TSHZ2: variants seen among roughly 807,000 people sequenced by gnomAD.
TSHZ2 encodes teashirt zinc finger homeobox 2.
In TSHZ2, 21 loss-of-function variants were observed where a neutral mutation model predicts 74.4. The ratio of observed to expected loss-of-function variants is 0.28; its 90% CI spans 0.20 to 0.41. The LOEUF (loss-of-function observed/expected upper bound fraction) is 0.41, where lower values mean the gene tolerates loss of function less well. Among genes scored for constraint, TSHZ2 ranks in the 10% least tolerant of loss-of-function variants. The pLI is 1.00. For missense variants in TSHZ2, 1,244 were observed against 1,293.5 expected (o/e 0.96, Z 0.59); for synonymous variants, 540 against 515.3 (o/e 1.05, Z -0.65).
chr20:53,069,709 A>ACG (rs1985111886), intron 1 of TSHZ2, among the ~76,000 whole-genome samples: 1 of 113,900 alleles, frequency 8.8e-6, no homozygotes, highest in Non-Finnish European at 1.9e-5. Flanking sequence ...ACACACACAC[A>ACG]CGCTCAAGTT....
chr20:53,344,897 C>G (rs1054189847), intron 2 of TSHZ2, among the ~76,000 whole-genome samples: 1 of 152,098 alleles, frequency 6.6e-6, no homozygotes, highest in South Asian at 2.1e-4. Flanking sequence ...CTCCTATGAG[C>G]CAAGAAGTAA....
At chr20:53,392,274 A>ATC (rs1347977178) in intron 2 of TSHZ2, among the ~76,000 whole-genome samples, 1 of 152,122 alleles carries the variant, frequency 6.6e-6, no homozygotes, top group Non-Finnish European at 1.5e-5. Context: ...GTGAAACCCC[A>ATC]TCTCTACTAA....
At chr20:53,417,241 GACACACACAC>G (rs56822266) in intron 2 of TSHZ2, among the ~76,000 whole-genome samples, 26 of 138,124 alleles carry the variant, frequency 1.9e-4, no homozygotes, top group Middle Eastern at 3.6e-3. Context: ...GACACACACA[GACACACACAC>G]ACACACACAC....
chr20:53,343,877 A>G (rs536357987), intron 2 of TSHZ2, among the ~76,000 whole-genome samples: 5 of 152,354 alleles, frequency 3.3e-5, no homozygotes, highest in South Asian at 2.1e-4. Context: ...AGAGCCAGGC[A>G]TGAATAGCCT....
chr20:53,150,155 G>C (rs77662336), intron 1 of TSHZ2, among the ~76,000 whole-genome samples: 2,825 of 152,224 alleles, frequency 0.019, 97 homozygotes, highest in African/African-American at 0.065. Context: ...AGCACAGAGA[G>C]GTTAAGTAAC....
intron 2 of TSHZ2, among the ~76,000 whole-genome samples, chr20:53,462,977 GC>G (rs761020726): frequency 6.6e-6 from 1 of 152,116 alleles, no homozygotes; most frequent in African/African-American, 2.4e-5. Flanking sequence ...TGTTGTGGGG[GC>G]CTCTCTGTTC....
At chr20:53,194,456 G>A (rs1469267760) in intron 1 of TSHZ2, among the ~76,000 whole-genome samples, 1 of 152,202 alleles carries the variant, frequency 6.6e-6, no homozygotes, top group Non-Finnish European at 1.5e-5. Flanking sequence ...ATCTTTGTCA[G>A]TGATTCAAAG....
Position 53,102,453 on chromosome 20 carries a change from A to G in TSHZ2, c.40+129120A>G, listed in dbSNP as rs77859165. Among the ~76,000 whole-genome samples, 74 of 146,212 alleles carry G rather than the reference A, an allele frequency of 5.1e-4. 1 individual carries two copies. The highest frequency in any genetic ancestry group is 1.8e-3 in the African/African-American group (73 of 40,076). On this transcript the variant is annotated intron_variant, in intron 1 of 2. Coordinates refer to ENST00000371497, the MANE Select transcript of TSHZ2 (RefSeq NM_173485.6). ...AAAGAAAAGGAGAGGAGGTGGGGGAAGAGAGGAGAGGGGAGGGAAGAAGAG... is the reference window on the plus strand; with the variant it reads ...AAAGAAAAGGAGAGGAGGTGGGGGAGGAGAGGAGAGGGGAGGGAAGAAGAG...
intron 2 of TSHZ2, among the ~76,000 whole-genome samples, chr20:53,307,310 C>T (rs1407797186): frequency 6.6e-6 from 1 of 152,170 alleles, no homozygotes; most frequent in African/African-American, 2.4e-5. Flanking sequence ...AAAGAGCTGA[C>T]CCAAACCCAA....
At chr20:53,194,391 C>T (rs1004830420) in intron 1 of TSHZ2, among the ~76,000 whole-genome samples, 8 of 152,180 alleles carry the variant, frequency 5.3e-5, no homozygotes, top group African/African-American at 1.9e-4. Flanking sequence ...AACTAGTCAA[C>T]GTACATTATT....
chr20:53,149,599 G>A (rs911179244), intron 1 of TSHZ2, among the ~76,000 whole-genome samples: 1 of 152,134 alleles, frequency 6.6e-6, no homozygotes, highest in African/African-American at 2.4e-5. Context: ...CTCAGCTCAT[G>A]GTGCCAATGA....
At chr20:53,405,255 A>AG (rs1982806970) in intron 2 of TSHZ2, among the ~76,000 whole-genome samples, 1 of 151,786 alleles carries the variant, frequency 6.6e-6, no homozygotes. Flanking sequence ...TCTCAAAAAA[A>AG]AAAACAAAGT....
chr20:53,347,587 A>C (rs1980486796), intron 2 of TSHZ2, among the ~76,000 whole-genome samples: 1 of 152,072 alleles, frequency 6.6e-6, no homozygotes, highest in Non-Finnish European at 1.5e-5. Context: ...GTCTCTACTC[A>C]ATAAACCATA....
At chr20:53,367,611 C>T (rs971663600) in intron 2 of TSHZ2, among the ~76,000 whole-genome samples, 6 of 151,788 alleles carry the variant, frequency 4.0e-5, no homozygotes, top group African/African-American at 1.5e-4. Flanking sequence ...CACTCTGTCA[C>T]CCAGGCTGGA....
intron 1 of TSHZ2, among the ~76,000 whole-genome samples, chr20:53,183,862 G>A (rs1181314044): frequency 1.3e-5 from 2 of 152,232 alleles, no homozygotes; most frequent in East Asian, 1.9e-4. Flanking sequence ...AGGTGTGAGA[G>A]CAAGGCTGCT....
chr20:53,147,957 G>T (rs1427616764), intron 1 of TSHZ2, among the ~76,000 whole-genome samples: 1 of 152,122 alleles, frequency 6.6e-6, no homozygotes, highest in Non-Finnish European at 1.5e-5. Flanking sequence ...CTTGCGATCT[G>T]CCCGCCTCAG....
chr20:53,261,957 G>T (rs930090381), intron 2 of TSHZ2, among the ~76,000 whole-genome samples: 10 of 152,250 alleles, frequency 6.6e-5, no homozygotes, highest in African/African-American at 4.8e-5. Flanking sequence ...GGTGGTTGCA[G>T]ATGAGGAGCA....
intron 2 of TSHZ2, among the ~76,000 whole-genome samples, chr20:53,272,843 A>G (rs1435871183): frequency 4.6e-5 from 7 of 152,212 alleles, no homozygotes; most frequent in Admixed American, 4.6e-4. Flanking sequence ...TAAGAGAAAC[A>G]GGGGATGCAG....
chr20:53,404,597 T>G (rs868518250), intron 2 of TSHZ2, among the ~76,000 whole-genome samples: 5 of 152,238 alleles, frequency 3.3e-5, no homozygotes, highest in African/African-American at 1.2e-4. Context: ...TTGCATGACA[T>G]GTAATGATTG....
Sources: gnomAD v4.1 joint callset for allele counts (sites outside exome capture counted in the v4.1 genomes callset) on GRCh38, gnomAD v4.1.1 for gene constraint, MANE v1.5 for transcripts, NCBI Gene and HGNC (gene_info 2026-07-23, HGNC 2026-07-21) for gene names.